SGCZ: variants seen among roughly 807,000 people sequenced by gnomAD.
The protein encoded by SGCZ is zeta-sarcoglycan.
A neutral mutation model predicts 41.3 loss-of-function variants in SGCZ; 40 were observed. That is an observed-to-expected ratio of 0.97 (90% CI 0.75 to 1.26). The LOEUF is 1.26. Ranked by LOEUF, SGCZ falls within the 50% of genes most tolerant of loss-of-function variation. SGCZ has a pLI of 0.00. For synonymous variants in SGCZ, 206 were observed against 137.5 expected, an observed-to-expected ratio of 1.50 and a Z score of -3.49; for missense variants, 552 against 369.8, an observed-to-expected ratio of 1.49 and a Z score of -4.04.
intron 5 of SGCZ, among the ~76,000 whole-genome samples, chr8:14,145,464 G>T (rs928718219): frequency 3.3e-5 from 5 of 152,140 alleles, no homozygotes; most frequent in African/African-American, 1.2e-4. Context: ...TTCCAGAGAA[G>T]AATGGCTACA....
chr8:14,324,823 G>T (rs774913431), intron 2 of SGCZ, among the ~76,000 whole-genome samples: 1 of 152,080 alleles, frequency 6.6e-6, no homozygotes, highest in Admixed American at 6.5e-5. Context: ...ATTAAAGAAA[G>T]GAGGTTTTAT....
chr8:14,620,131 A>T (rs970655998), intron 1 of SGCZ, among the ~76,000 whole-genome samples: 1 of 151,988 alleles, frequency 6.6e-6, no homozygotes, highest in Non-Finnish European at 1.5e-5. Context: ...TCCAAATAAT[A>T]CCACACATCT....
chr8:15,130,856 T>C (rs1297117123), intron 1 of SGCZ, among the ~76,000 whole-genome samples: 13 of 152,158 alleles, frequency 8.5e-5, no homozygotes, highest in Non-Finnish European at 1.9e-4. Flanking sequence ...CTACAAAATC[T>C]ATAAAGTTGA....
At chr8:14,365,326 TTTGTA>T (rs1803662364) in intron 2 of SGCZ, among the ~76,000 whole-genome samples, 2 of 152,130 alleles carry the variant, frequency 1.3e-5, no homozygotes, top group African/African-American at 4.8e-5. Flanking sequence ...TTAAATAATT[TTTGTA>T]TTGTATTACA....
chr8:14,782,813 C>T (rs1046985823), intron 1 of SGCZ, among the ~76,000 whole-genome samples: 25 of 152,288 alleles, frequency 1.6e-4, no homozygotes, highest in Non-Finnish European at 5.9e-5. Context: ...ATTTCACAGA[C>T]ACAGGCATAT....
intron 5 of SGCZ, among the ~76,000 whole-genome samples, chr8:14,153,940 GAC>G (rs57842795): frequency 0.06 from 8,562 of 142,372 alleles, 797 homozygotes; most frequent in African/African-American, 0.2. Context: ...CACACACACA[GAC>G]ACACACACAC....
chr8:14,634,966 A>G (rs1447386341), intron 1 of SGCZ, among the ~76,000 whole-genome samples: 4 of 151,798 alleles, frequency 2.6e-5, no homozygotes, highest in Non-Finnish European at 5.9e-5. Context: ...ATGCATTATG[A>G]TATTTAAATG....
intron 1 of SGCZ, among the ~76,000 whole-genome samples, chr8:15,195,531 AG>A (rs1052245290): frequency 6.6e-6 from 1 of 152,132 alleles, no homozygotes; most frequent in Admixed American, 6.6e-5. Context: ...TGCTGTCATC[AG>A]CCTCCTCTTT....
intron 2 of SGCZ, among the ~76,000 whole-genome samples, chr8:14,493,880 A>T (rs754618655): frequency 7.2e-5 from 11 of 152,180 alleles, no homozygotes; most frequent in Non-Finnish European, 1.5e-4. Context: ...AGATAAATCC[A>T]AGCACACTCT....
chr8:15,229,905 T>C (rs1272638805), intron 1 of SGCZ, among the ~76,000 whole-genome samples: 2 of 152,164 alleles, frequency 1.3e-5, no homozygotes, highest in African/African-American at 4.8e-5. Context: ...AAGATGTGAG[T>C]TTAAAAACAT....
intron 3 of SGCZ, among the ~76,000 whole-genome samples, chr8:14,289,882 G>A (rs1286772488): frequency 6.6e-6 from 1 of 151,714 alleles, no homozygotes; most frequent in Non-Finnish European, 1.5e-5. Flanking sequence ...TGCATAGCTG[G>A]GGAGGCCTCT....
chr8:15,088,384 G>A lies in SGCZ; in HGVS notation c.39+149201C>T, dbSNP rs143054166. On this transcript the variant is annotated intron_variant, in intron 1 of 7. Transcript: ENST00000382080. ...TCCAATTACATTAATTCTGCTCAAA[G>A]GTATTGTATTTTAAAATATTAACAT... Among the ~76,000 whole-genome samples the A allele has an allele frequency of 4.9e-3, 747 of 152,066 alleles. 4 individuals carry two copies. Among genetic ancestry groups the A allele is most frequent in the African/African-American group, 0.017 (708 of 41,510 alleles).
intron 1 of SGCZ, among the ~76,000 whole-genome samples, chr8:14,946,629 T>A (rs1313503101): frequency 6.6e-6 from 1 of 151,878 alleles, no homozygotes; most frequent in Non-Finnish European, 1.5e-5. Flanking sequence ...TTAACAGGAT[T>A]GGCACTGCTT....
intron 5 of SGCZ, among the ~76,000 whole-genome samples, chr8:14,138,449 T>G (rs1172752116): frequency 6.6e-6 from 1 of 150,566 alleles, no homozygotes; most frequent in African/African-American, 2.4e-5. Flanking sequence ...CCATCTCACG[T>G]GCAGAGACAC....
chr8:14,566,725 C>A (rs1377784164), intron 1 of SGCZ, among the ~76,000 whole-genome samples: 1 of 152,264 alleles, frequency 6.6e-6, no homozygotes, highest in Non-Finnish European at 1.5e-5. Context: ...TCTGGCCGTA[C>A]TTGAGGAGCC....
chr8:14,921,101 G>C (rs1485164842), intron 1 of SGCZ, among the ~76,000 whole-genome samples: 1 of 152,174 alleles, frequency 6.6e-6, no homozygotes, highest in Non-Finnish European at 1.5e-5. Flanking sequence ...CAGCTTCAGA[G>C]CTTGCAGTGG....
chr8:14,883,294 T>A (rs1206604249), intron 1 of SGCZ, among the ~76,000 whole-genome samples: 1 of 151,502 alleles, frequency 6.6e-6, no homozygotes, highest in African/African-American at 2.4e-5. Flanking sequence ...TTCTCCTGTA[T>A]TTTTCAGTTT....
intron 2 of SGCZ, among the ~76,000 whole-genome samples, chr8:14,412,528 T>C (rs1799388051): frequency 6.6e-6 from 1 of 152,124 alleles, no homozygotes; most frequent in Admixed American, 6.6e-5. Flanking sequence ...TTGCAGCTGT[T>C]CTGTTTAAAT....
At chr8:14,787,737 T>C (rs1800814810) in intron 1 of SGCZ, among the ~76,000 whole-genome samples, 1 of 152,010 alleles carries the variant, frequency 6.6e-6, no homozygotes, top group Non-Finnish European at 1.5e-5. Context: ...TCCCAGCTAC[T>C]TGGGAGACAG....
Sources: gnomAD v4.1 joint callset for allele counts (sites outside exome capture counted in the v4.1 genomes callset) on GRCh38, gnomAD v4.1.1 for gene constraint, MANE v1.5 for transcripts, NCBI Gene and HGNC (gene_info 2026-07-23, HGNC 2026-07-21) for gene names.